The following THBS2 variants were observed in gnomAD, a reference collection of about 807,000 sequenced individuals.
THBS2 encodes thrombospondin-2.
A neutral mutation model predicts 135.2 loss-of-function variants in THBS2; 47 were observed. That is an observed-to-expected ratio of 0.35 (90% CI 0.28 to 0.44). The LOEUF (loss-of-function observed/expected upper bound fraction) is 0.44, where lower values mean the gene tolerates loss of function less well. Among genes scored for constraint, THBS2 ranks in the 20% least tolerant of loss-of-function variants. THBS2 has a pLI of 1.00. For missense variants in THBS2, 1,288 were observed against 1,603.1 expected (o/e 0.80, Z 3.36); for synonymous variants, 639 against 633.8 (o/e 1.01, Z -0.12).
At chr6:169,242,681 C>T (rs753568697) in intron 4 of THBS2, among the ~76,000 whole-genome samples, 1,208 of 82,128 alleles carry the variant, frequency 0.015, 72 homozygotes, top group Non-Finnish European at 0.021. Flanking sequence ...CCCACCTTCC[C>T]ACCTTCCCAT....
At chr6:169,238,922 A>C (rs961516691) in intron 7 of THBS2, among the ~76,000 whole-genome samples, 2 of 152,140 alleles carry the variant, frequency 1.3e-5, no homozygotes, top group African/African-American at 4.8e-5. Flanking sequence ...TGCCAACGGC[A>C]CGGCACTGGG....
chr6:169,235,511 G>A (rs12178943), intron 9 of THBS2, among the ~76,000 whole-genome samples: 1,904 of 152,110 alleles, frequency 0.013, 35 homozygotes, highest in East Asian at 0.076. Flanking sequence ...TGCACTTCCC[G>A]AGCCAGGCCT....
chr6:169,247,861 C>T (rs1780606725), intron 3 of THBS2, among the ~76,000 whole-genome samples: 1 of 151,264 alleles, frequency 6.6e-6, no homozygotes, highest in South Asian at 2.1e-4. Flanking sequence ...AGGGTGTGTG[C>T]ACGTGTGTGC....
chr6:169,220,072 T>G, intron 21 of THBS2, 126 bp downstream of exon 21: 1 of 1,203,718 alleles, frequency 8.3e-7, no homozygotes, highest in Non-Finnish European at 1.2e-6. Context: ...GGCTCATGTG[T>G]GGTATTGTGC....
In THBS2 at chr6:169,217,645, T is replaced by G; in HGVS notation, c.*177A>C. On this transcript the variant is annotated 3_prime_UTR_variant, in exon 22 of 22. Transcript: ENST00000617924. ...GTTCATCTCTGAGTTCCATTGATAT[T>G]TATCCTCTGAAGGCACTTGGGTTTG... 1 of 592,804 alleles carries G rather than the reference T, an allele frequency of 1.7e-6. No individual in the cohort carries two copies. The highest frequency in any genetic ancestry group is 2.9e-6 in the Non-Finnish European group (1 of 344,174). The allele number at this position is 592,804 out of a possible 1,614,324, so 36.7% of individuals were successfully genotyped here. A position where few individuals can be genotyped will look rare whatever the true frequency, so the allele number is the denominator to read the frequency against.
chr6:169,248,431 C>A lies in THBS2; in HGVS notation c.595G>T (p.Glu199Ter). ...GCAGAGCGTACCCTGAAGTGACTCTCTCTGGCAGAGCCTTTGGCCACGTAC... is the reference window on the plus strand; with the variant it reads ...GCAGAGCGTACCCTGAAGTGACTCTATCTGGCAGAGCCTTTGGCCACGTAC... ...RMYVAKGSARESHFRGLLQNV... is the reference protein window; with the variant it reads ...RMYVAKGSAR Residue 199 changes from glutamate (E) to a stop codon, truncating the protein, a stop_gained, in exon 3 of 22, where the codon GAG becomes TAG. Transcript: ENST00000617924. LOFTEE classifies it high-confidence loss of function. 6.2e-7 allele frequency: 1 copy of A among 1,607,252 alleles called. No homozygotes were observed. The highest frequency in any genetic ancestry group is 1.1e-5 in the South Asian group (1 of 90,838).
At chr6:169,223,613 A>C (rs139658329) in intron 17 of THBS2, 138 bp from the exon 18 acceptor site, 274 of 687,264 alleles carry the variant, frequency 4.0e-4, no homozygotes, top group Middle Eastern at 2.2e-3. Flanking sequence ...AGTGCTTTGC[A>C]GTGTTTTGTG....
chr6:169,232,535 G>T, intron 12 of THBS2, 129 bp downstream of exon 12: 1 of 1,445,032 alleles, frequency 6.9e-7, no homozygotes, highest in Non-Finnish European at 9.3e-7. Flanking sequence ...CAGCTTCCCC[G>T]GGCCAGCCCC....
At chr6:169,229,428 G>T in intron 14 of THBS2, 144 bp downstream of exon 14, 1 of 615,320 alleles carries the variant, frequency 1.6e-6, no homozygotes, top group Non-Finnish European at 2.8e-6. Flanking sequence ...TGTCTTTATA[G>T]TGACCTTTGG....
At position 169,217,949 on chromosome 6, in the gene THBS2, TATGG is replaced by T. The variant is rs577755228; in HGVS notation, c.3512-124_3512-121del. The stretch of plus-strand genomic sequence containing the variant: ...CTTTAATTAAAGATGAGATCTATCA[TATGG>T]ATGGATGGATGGATGGATGAAATGG... On this transcript the variant is annotated intron_variant, in intron 21 of 21. Transcript: ENST00000617924. 127 of 942,946 alleles carry T rather than the reference TATGG, an allele frequency of 1.3e-4. 2 individuals are homozygous for T. The highest frequency in any genetic ancestry group is 3.4e-4 in the Middle Eastern group (1 of 2,950). The allele number at this position is 942,946 out of a possible 1,614,324, so 58.4% of individuals were successfully genotyped here. A position where few individuals can be genotyped will look rare whatever the true frequency, so the allele number is the denominator to read the frequency against.
chr6:169,245,968 T>C, intron 4 of THBS2: 1 of 387,102 alleles, frequency 2.6e-6, no homozygotes, highest in South Asian at 7.2e-5. Context: ...TTTGGATGAT[T>C]AAAATCTACT....
chr6:169,236,491 C>CTCCG (rs1554246607), intron 9 of THBS2, among the ~76,000 whole-genome samples: 1 of 87,900 alleles, frequency 1.1e-5, no homozygotes, highest in Admixed American at 1.2e-4. Flanking sequence ...CACACTCACT[C>CTCCG]TCCACATTCA....
In THBS2 at chr6:169,225,324, T is replaced by C; in HGVS notation, c.2594A>G (p.Asp865Gly). 6.4e-7 allele frequency: 1 copy of C among 1,572,550 alleles called. No homozygotes were observed. The highest frequency in any genetic ancestry group is 8.6e-7 in the Non-Finnish European group (1 of 1,158,508). The change falls in exon 17 of 22, where the codon GAT (aspartate) becomes GGT (glycine). Residue 865 changes from aspartate to glycine, a missense_variant. Around this residue, in one of 2 missense-constraint regions of THBS2, gnomAD observed 874 missense variants for 1,156.1 expected, o/e 0.76. Coordinates refer to ENST00000617924, the MANE Select transcript of THBS2 (RefSeq NM_003247.5). ...GDQCDNNEDI[D>G]DDGHQNNQDN... ...CTGGTTGTTCTGGTGGCCGTCGTCATCTATGTCCTCGTTGTTGTCACACTG... is the reference window on the plus strand; with the variant it reads ...CTGGTTGTTCTGGTGGCCGTCGTCACCTATGTCCTCGTTGTTGTCACACTG...
At chr6:169,240,213 G>A (rs542394556) in intron 6 of THBS2, among the ~76,000 whole-genome samples, 42 of 152,168 alleles carry the variant, frequency 2.8e-4, no homozygotes, top group Non-Finnish European at 2.2e-4. Context: ...AACCAACTGG[G>A]GACGCTGGCC....
At chr6:169,244,164 GTT>G (rs34458367) in intron 4 of THBS2, among the ~76,000 whole-genome samples, 21,884 of 120,362 alleles carry the variant, frequency 0.18, 1,531 homozygotes, top group African/African-American at 0.27. Flanking sequence ...ATTTCTCTGT[GTT>G]TTTTTTTTTT....
At chr6:169,244,716 G>A (rs1780486524) in intron 4 of THBS2, among the ~76,000 whole-genome samples, 2 of 152,104 alleles carry the variant, frequency 1.3e-5, no homozygotes, top group Admixed American at 1.3e-4. Flanking sequence ...CCCCAGAAGA[G>A]CACTGCCTCA....
chr6:169,251,508 C>T (rs971119030), intron 1 of THBS2, among the ~76,000 whole-genome samples: 28 of 152,146 alleles, frequency 1.8e-4, no homozygotes, highest in Admixed American at 2.6e-4. Context: ...GTCCAAAGCC[C>T]GGCTGGGCGA....
Position 169,222,449 on chromosome 6 carries a change from A to G in THBS2, c.3021T>C (p.Ser1007=). The G allele has an allele frequency of 6.2e-7, 1 of 1,613,510 alleles. No individual in the cohort carries two copies. Among genetic ancestry groups the G allele is most frequent in the Non-Finnish European group, 8.5e-7 (1 of 1,179,822 alleles). ...CGTAGAATGTGCCACTGAAGTCCAC[A>G]GACCCAAACTCGTCAAAACCTGGAT... ...GIAVGFDEFG[S]VDFSGTFYVN... is the part of the protein sequence containing the mutation. The change falls in exon 19 of 22, where the codon TCT becomes TCC. Residue 1007 remains serine (S), a synonymous_variant. Transcript: ENST00000617924.
Position 169,239,693 on chromosome 6 carries a change from T to G in THBS2, c.1035A>C (p.Lys345Asn), listed in dbSNP as rs1292483940. 6.3e-7 allele frequency: 1 copy of G among 1,591,012 alleles called. No homozygotes were observed. Among genetic ancestry groups the G allele is most frequent in the South Asian group, 1.1e-5 (1 of 86,980 alleles). ...TGATTTGGTGGCAAATGGTTTTAAA[T>G]TTCTACAAGTGAAGAAAGGCATGCA... ...VDSCTTCTCK[K>N]FKTICHQITC... The change falls in exon 7 of 22, where the codon AAA becomes AAC. Residue 345 changes from lysine to asparagine, a missense_variant and splice_region_variant. Around this residue, in one of 2 missense-constraint regions of THBS2, gnomAD observed 874 missense variants for 1,156.1 expected, o/e 0.76. Transcript: ENST00000617924.
Sources: allele counts gnomAD v4.1 joint callset (sites outside exome capture counted in the v4.1 genomes callset), GRCh38; gene constraint gnomAD v4.1.1; regional missense constraint gnomAD v4.1.1; transcripts MANE v1.5; gene names NCBI Gene and HGNC (gene_info 2026-07-23, HGNC 2026-07-21).